Variants in ADH7 observed in about 807,000 individuals in gnomAD.
ADH7 encodes the protein all-trans-retinol dehydrogenase [NAD(+)] ADH7.
ADH7 carries 41 observed loss-of-function variants against 34.4 expected under a neutral mutation model. That is an observed-to-expected ratio of 1.19 (90% confidence interval 0.93 to 1.55). The LOEUF is 1.55. Ranked by LOEUF, ADH7 falls within the 40% of genes most tolerant of loss-of-function variation. ADH7 has a pLI of 0.00. For synonymous variants in ADH7, 180 were observed against 160.9 expected (o/e 1.12, Z -0.90); for missense variants, 540 against 461.2 (o/e 1.17, Z -1.56).
At chr4:99,418,917 G>T in intron 7 of ADH7, 69 bp downstream of exon 7, 2 of 1,568,290 alleles carry the variant, frequency 1.3e-6, no homozygotes, top group Non-Finnish European at 1.7e-6. Flanking sequence ...GAGGAAACAG[G>T]CTTCTCCCAC....
chr4:99,416,011 T>C (rs1245581012), intron 7 of ADH7: 7 of 160,616 alleles, frequency 4.4e-5, no homozygotes, highest in Non-Finnish European at 8.2e-5. Flanking sequence ...TTAAGACAAA[T>C]ACCTAATGCA....
intron 3 of ADH7, 49 bp downstream of exon 3, chr4:99,428,443 T>C (rs1463833851): frequency 6.3e-7 from 1 of 1,583,544 alleles, no homozygotes; most frequent in Non-Finnish European, 8.6e-7. Flanking sequence ...TTTGATAGGC[T>C]AATCAAAGCC....
intron 1 of ADH7, among the ~76,000 whole-genome samples, chr4:99,433,549 A>G (rs903348990): frequency 1.3e-5 from 2 of 152,286 alleles, no homozygotes; most frequent in South Asian, 4.1e-4. Flanking sequence ...TTGAAGTCCT[A>G]ACCCCCCGTA....
intron 2 of ADH7, 45 bp from the exon 3 acceptor site, chr4:99,428,675 A>C: frequency 6.3e-7 from 1 of 1,583,736 alleles, no homozygotes. Flanking sequence ...CAAACTGATC[A>C]TTTCACTGTT....
At chr4:99,425,708 A>C (rs991998746) in intron 5 of ADH7, among the ~76,000 whole-genome samples, 2 of 152,228 alleles carry the variant, frequency 1.3e-5, no homozygotes, top group Admixed American at 6.5e-5. Context: ...CACCAAGTGG[A>C]CCTAATAGAC....
chr4:99,412,961 C>T lies in ADH7; in HGVS notation c.*187G>A, dbSNP rs2110131116. The T allele has an allele frequency of 2.1e-6, 1 of 473,738 alleles. No homozygotes were observed. Among genetic ancestry groups the T allele is most frequent in the South Asian group, 4.4e-5 (1 of 22,722 alleles). 29.3% of individuals were successfully genotyped at this position (473,738 alleles called of 1,614,324 possible). On this transcript the variant is annotated 3_prime_UTR_variant, in exon 9 of 9. Coordinates refer to ENST00000437033, the MANE Select transcript of ADH7 (RefSeq NM_000673.7). The stretch of plus-strand genomic sequence containing the variant: ...TATTAACATTGTTATTATACTAATT[C>T]CCAGGTGCTCACAAGACTTTAAATG...
chr4:99,427,748 T>A, intron 5 of ADH7, 25 bp downstream of exon 5: 1 of 1,378,850 alleles, frequency 7.3e-7, no homozygotes, highest in Non-Finnish European at 9.5e-7. Flanking sequence ...GAAGAACAAA[T>A]AAACTAGCCT....
chr4:99,433,987 G>A (rs1251047854), intron 1 of ADH7, among the ~76,000 whole-genome samples: 1 of 152,110 alleles, frequency 6.6e-6, no homozygotes, highest in Non-Finnish European at 1.5e-5. Flanking sequence ...ACTACAGAAA[G>A]TTGGGAAATA....
chr4:99,425,221 A>C (rs979001675), intron 5 of ADH7, among the ~76,000 whole-genome samples: 6 of 152,090 alleles, frequency 3.9e-5, no homozygotes, highest in African/African-American at 1.4e-4. Context: ...ATTAACTTTA[A>C]ATGTAAATGG....
chr4:99,418,628 T>C (rs1230013566), intron 7 of ADH7, among the ~76,000 whole-genome samples: 2 of 152,274 alleles, frequency 1.3e-5, no homozygotes, highest in Middle Eastern at 3.4e-3. Flanking sequence ...GTTGGTGCTA[T>C]TATGAATCGA....
chr4:99,415,601 T>A lies in ADH7; in HGVS notation c.977A>T (p.Asp326Val). The change falls in exon 8 of 9, where the codon GAT becomes GTT. Residue 326 changes from aspartate to valine, a missense_variant. Transcript: ENST00000437033. ...CTCAGTCACTAGTTTTGGGACATCATCTCTGCTTTTCAAACCTGCAAATAA... is the reference window on the plus strand; with the variant it reads ...CTCAGTCACTAGTTTTGGGACATCAACTCTGCTTTTCAAACCTGCAAATAA... ...GCVFGGLKSRDDVPKLVTEFL... is the reference protein window; with the variant it reads ...GCVFGGLKSRVDVPKLVTEFL... 6.2e-7 allele frequency: 1 copy of A among 1,613,224 alleles called. No individual in the cohort carries two copies. The highest frequency in any genetic ancestry group is 8.5e-7 in the Non-Finnish European group (1 of 1,179,500).
intron 7 of ADH7, among the ~76,000 whole-genome samples, chr4:99,417,350 C>T (rs1056232885): frequency 6.6e-6 from 1 of 152,138 alleles, no homozygotes; most frequent in African/African-American, 2.4e-5. Context: ...TGACCTTTTC[C>T]CCGTTCTTAT....
At position 99,428,612 on chromosome 4, in the gene ADH7, A is replaced by G. The variant is rs1440018827; in HGVS notation, c.139T>C (p.Cys47Arg). ...TTTATCACATGGTCATCTGTGCGAC[A>G]GATTCCTGTGGCCAAAATCTGTGTT... is the stretch of plus-strand genomic sequence containing the variant. The part of the protein sequence containing the change: ...VRIKILATGI[C>R]RTDDHVIKGT... Residue 47 changes from cysteine to arginine, a missense_variant, in exon 3 of 9, where the codon TGT becomes CGT. Physicochemically the swap from Cys to Arg is radical, Grantham distance 180. Coordinates refer to ENST00000437033, the MANE Select transcript of ADH7 (RefSeq NM_000673.7). 3.5e-5 allele frequency: 57 copies of G among 1,612,830 alleles called. No homozygotes were observed. Among genetic ancestry groups the G allele is most frequent in the Non-Finnish European group, 4.8e-5 (57 of 1,179,668 alleles).
chr4:99,429,695 A>C (rs1263929373), intron 1 of ADH7, 62 bp from the exon 2 acceptor site: 1 of 1,174,266 alleles, frequency 8.5e-7, no homozygotes, highest in African/African-American at 1.5e-5. Context: ...AGACTCCCTG[A>C]CTAGTATAAA....
At chr4:99,427,177 A>G (rs1048956470) in intron 5 of ADH7, among the ~76,000 whole-genome samples, 1 of 152,182 alleles carries the variant, frequency 6.6e-6, no homozygotes, top group Non-Finnish European at 1.5e-5. Context: ...TGATGGAAAA[A>G]TGTATACTGA....
At chr4:99,421,525 T>C (rs966922918) in intron 5 of ADH7, among the ~76,000 whole-genome samples, 2 of 152,188 alleles carry the variant, frequency 1.3e-5, no homozygotes, top group Admixed American at 1.3e-4. Context: ...CACTTAAATG[T>C]AAAACCCCAA....
Position 99,413,180 on chromosome 4 carries a change from G to A in ADH7, c.1101-8C>T, listed in dbSNP as rs759973384. On this transcript the variant is annotated splice_polypyrimidine_tract_variant and splice_region_variant and intron_variant, in intron 8 of 8. Transcript: ENST00000437033. Reference sequence around the variant, plus strand: ...GTCAGGACCGTTCGAATGCTGAAATGTAAAATGAGAGTTTTTAATGACTTG... The same window carrying A: ...GTCAGGACCGTTCGAATGCTGAAATATAAAATGAGAGTTTTTAATGACTTG... The A allele has an allele frequency of 2.5e-6, 4 of 1,613,256 alleles. No individual in the cohort carries two copies. Among genetic ancestry groups the A allele is most frequent in the Non-Finnish European group, 3.4e-6 (4 of 1,179,440 alleles).
intron 1 of ADH7, among the ~76,000 whole-genome samples, chr4:99,430,822 G>A (rs528459297): frequency 1.5e-4 from 23 of 151,604 alleles, no homozygotes; most frequent in Non-Finnish European, 2.4e-4. Flanking sequence ...TTTTTTAGAC[G>A]CAATCTTGCT....
At chr4:99,419,210 T>C in intron 6 of ADH7, 89 bp from the exon 7 acceptor site, 1 of 1,407,326 alleles carries the variant, frequency 7.1e-7, no homozygotes, top group Non-Finnish European at 9.4e-7. Flanking sequence ...TATGACAAAG[T>C]CATGAAATTA....
Sources: allele counts gnomAD v4.1 joint callset (sites outside exome capture counted in the v4.1 genomes callset), GRCh38; gene constraint gnomAD v4.1.1; transcripts MANE v1.5; gene names NCBI Gene and HGNC (gene_info 2026-07-23, HGNC 2026-07-21).